Variants in SETD3 observed in about 807,000 individuals in gnomAD.
SETD3 encodes actin-histidine N-methyltransferase.
Under a neutral mutation model 63.0 loss-of-function variants are expected in SETD3, and 19 were observed. That is an observed-to-expected ratio of 0.30 (90% CI 0.21 to 0.44). The LOEUF (loss-of-function observed/expected upper bound fraction) is 0.44, where lower values mean the gene tolerates loss of function less well. SETD3 is among the 20% of genes least tolerant of loss of function. SETD3 has a pLI of 1.00. For synonymous variants in SETD3, 286 were observed against 264.1 expected (o/e 1.08, Z -0.80); for missense variants, 587 against 728.5 (o/e 0.81, Z 2.24).
chr14:99,476,094 A>T lies in SETD3; in HGVS notation c.-9+4634T>A, dbSNP rs1232399365. Reference sequence around the variant, plus strand: ...TATTATATGATCAGGAATTGAGGTAAGCATTTTACACAATATAAGATAGGT... The same window carrying T: ...TATTATATGATCAGGAATTGAGGTATGCATTTTACACAATATAAGATAGGT... On this transcript the variant is annotated intron_variant, in intron 1 of 12. Transcript: ENST00000331768. Among the ~76,000 whole-genome samples the T allele has an allele frequency of 2.0e-5, 3 of 152,234 alleles. No individual in the cohort carries two copies. The East Asian group carries it at 5.8e-4, about 29-fold the overall frequency.
chr14:99,429,104 G>A (rs941278829), intron 6 of SETD3, among the ~76,000 whole-genome samples: 1 of 152,064 alleles, frequency 6.6e-6, no homozygotes, highest in African/African-American at 2.4e-5. Flanking sequence ...GCCATAATAC[G>A]GTGTCTCCAG....
intron 8 of SETD3, among the ~76,000 whole-genome samples, chr14:99,407,075 G>A (rs796181296): frequency 6.6e-5 from 10 of 152,322 alleles, no homozygotes; most frequent in African/African-American, 2.4e-4. Context: ...GAAAAGAAAA[G>A]CTCTATTTCT....
At chr14:99,434,842 T>C (rs1369620849) in intron 6 of SETD3, among the ~76,000 whole-genome samples, 1 of 69,734 alleles carries the variant, frequency 1.4e-5, no homozygotes, top group African/African-American at 6.9e-5. Context: ...AGCAAAACTC[T>C]GCCTCAAAAA....
rs1182339542 is a variant in SETD3, at chr14:99,405,378, T to C, written c.925-7A>G. On this transcript the variant is annotated splice_region_variant and splice_polypyrimidine_tract_variant and intron_variant, in intron 9 of 12. Transcript: ENST00000331768. ...TGCCATAAAAAATGTAAATCTGAGA[T>C]GCAGTAAAGAAAAAAGAAAAGGGCA... 1 of 1,608,386 alleles carries C rather than the reference T, an allele frequency of 6.2e-7. No individual in the cohort carries two copies. The highest frequency in any genetic ancestry group is 2.2e-5 in the East Asian group (1 of 44,830).
chr14:99,431,335 T>C (rs1893166295), intron 6 of SETD3, among the ~76,000 whole-genome samples: 1 of 152,186 alleles, frequency 6.6e-6, no homozygotes, highest in Admixed American at 6.5e-5. Flanking sequence ...CCAAGTGACC[T>C]GCCACCCCTT....
In SETD3 at chr14:99,399,097, T is replaced by G; in HGVS notation, c.1367A>C (p.Asp456Ala). 1 of 1,613,760 alleles carries G rather than the reference T, an allele frequency of 6.2e-7. No individual in the cohort carries two copies. Among genetic ancestry groups the G allele is most frequent in the Non-Finnish European group, 8.5e-7 (1 of 1,179,776 alleles). The change falls in exon 13 of 13, where the codon GAT (aspartate) becomes GCT (alanine). Residue 456 changes from aspartate (D) to alanine (A), a missense_variant. Asp to Ala is a moderately radical substitution (Grantham distance 126). Coordinates refer to ENST00000331768, the MANE Select transcript of SETD3 (RefSeq NM_032233.3). ...EEDKSVLKNHDLSVRAKMAIK... is the reference protein window; with the variant it reads ...EEDKSVLKNHALSVRAKMAIK... ...GGCCATTTTTGCACGAACAGAAAGA[T>G]CGTGGTTTTTCAAGACGGATTTATC...
intron 6 of SETD3, among the ~76,000 whole-genome samples, chr14:99,443,208 A>T (rs984248975): frequency 6.7e-6 from 1 of 148,458 alleles, no homozygotes; most frequent in Non-Finnish European, 1.5e-5. Context: ...AAATAAAACA[A>T]CCTCCTCAAA....
At chr14:99,468,559 A>C (rs1895523920) in intron 1 of SETD3, among the ~76,000 whole-genome samples, 1 of 152,162 alleles carries the variant, frequency 6.6e-6, no homozygotes, top group Non-Finnish European at 1.5e-5. Flanking sequence ...GGAAACCAGC[A>C]AAAATATGTA....
Position 99,477,143 on chromosome 14 carries a change from T to C in SETD3, c.-9+3585A>G, listed in dbSNP as rs1490197677. Among the ~76,000 whole-genome samples the C allele has an allele frequency of 3.9e-5, 6 of 152,212 alleles. No individual in the cohort carries two copies. The South Asian group carries it at 1.0e-3, about 26-fold the overall frequency. On this transcript the variant is annotated intron_variant, in intron 1 of 12. Coordinates refer to ENST00000331768, the MANE Select transcript of SETD3 (RefSeq NM_032233.3). ...GTCTTTCATTGTCAACCAAGACTGTTTGGACTCACTAGTTCACTTCTACTT... is the reference window on the plus strand; with the variant it reads ...GTCTTTCATTGTCAACCAAGACTGTCTGGACTCACTAGTTCACTTCTACTT...
chr14:99,399,136 A>C lies in SETD3; in HGVS notation c.1339-11T>G. 6.2e-7 allele frequency: 1 copy of C among 1,610,382 alleles called. No homozygotes were observed. Among genetic ancestry groups the C allele is most frequent in the Non-Finnish European group, 8.5e-7 (1 of 1,177,388 alleles). Reference sequence around the variant, plus strand: ...GACGGATTTATCTTCCTGGAAAACAAGAGCAAAATTAATTACAAGAAGTCT... The same window carrying C: ...GACGGATTTATCTTCCTGGAAAACACGAGCAAAATTAATTACAAGAAGTCT... On this transcript the variant is annotated splice_polypyrimidine_tract_variant and intron_variant, in intron 12 of 12. Coordinates refer to ENST00000331768, the MANE Select transcript of SETD3 (RefSeq NM_032233.3).
chr14:99,428,194 A>G (rs1241040830), intron 6 of SETD3, among the ~76,000 whole-genome samples: 1 of 152,248 alleles, frequency 6.6e-6, no homozygotes, highest in African/African-American at 2.4e-5. Context: ...GTTACTTCAC[A>G]TGTAAAATGA....
At chr14:99,419,866 T>A (rs1019314689) in intron 6 of SETD3, among the ~76,000 whole-genome samples, 1 of 151,906 alleles carries the variant, frequency 6.6e-6, no homozygotes, top group African/African-American at 2.4e-5. Flanking sequence ...TTAGTGATAA[T>A]CAATCAATAT....
At chr14:99,436,122 A>T (rs1209015500) in intron 6 of SETD3, among the ~76,000 whole-genome samples, 2 of 152,052 alleles carry the variant, frequency 1.3e-5, no homozygotes, top group South Asian at 4.1e-4. Context: ...CACAAGAACA[A>T]CATGGGGGAA....
At chr14:99,486,206 T>C in the SETD3 span, among the ~76,000 whole-genome samples, 1 of 152,228 alleles carries the variant, frequency 6.6e-6, no homozygotes, top group African/African-American at 2.4e-5. Context: ...AAAGCTGACA[T>C]CCCATGGTTT....
At chr14:99,445,704 G>C (rs1290538385) in intron 6 of SETD3, among the ~76,000 whole-genome samples, 5 of 152,106 alleles carry the variant, frequency 3.3e-5, no homozygotes, top group East Asian at 1.9e-4. Flanking sequence ...GTGTAATGTG[G>C]GAGTGTTCTC....
intron 6 of SETD3, among the ~76,000 whole-genome samples, chr14:99,443,795 AG>A (rs1293509914): frequency 6.6e-6 from 1 of 152,224 alleles, no homozygotes; most frequent in Non-Finnish European, 1.5e-5. Context: ...TGAAGGTTAC[AG>A]GGAGGCCTAT....
At chr14:99,461,103 C>A in intron 4 of SETD3, 89 bp downstream of exon 4, 1 of 1,465,404 alleles carries the variant, frequency 6.8e-7, no homozygotes, top group Non-Finnish European at 9.3e-7. Context: ...ACTCCCCCAC[C>A]ACACGTCTAC....
chr14:99,457,139 T>A (rs1894805139), intron 6 of SETD3, among the ~76,000 whole-genome samples: 1 of 152,224 alleles, frequency 6.6e-6, no homozygotes, highest in African/African-American at 2.4e-5. Context: ...GGACTGCAGG[T>A]GCACACTATA....
At chr14:99,422,898 C>T (rs892890127) in intron 6 of SETD3, among the ~76,000 whole-genome samples, 1 of 152,198 alleles carries the variant, frequency 6.6e-6, no homozygotes, top group African/African-American at 2.4e-5. Context: ...GCCCCGCGGC[C>T]CCCAAGGCGC....
Sources: allele counts gnomAD v4.1 joint callset (sites outside exome capture counted in the v4.1 genomes callset), GRCh38; gene constraint gnomAD v4.1.1; transcripts MANE v1.5; gene names NCBI Gene and HGNC (gene_info 2026-07-23, HGNC 2026-07-21).